CNTN4: variants seen among roughly 807,000 people sequenced by gnomAD.
The protein encoded by CNTN4 is contactin-4.
CNTN4 carries 77 observed loss-of-function variants against 122.5 expected under a neutral mutation model. That is an observed-to-expected ratio of 0.63 (90% CI 0.52 to 0.76). The LOEUF is 0.76. Ranked by LOEUF, CNTN4 falls within the 30% of genes least tolerant of loss-of-function variation. The pLI is 0.00. For missense variants in CNTN4, 1,256 were observed against 1,259.1 expected, an observed-to-expected ratio of 1.00 and a Z score of 0.04; for synonymous variants, 512 against 447.0, an observed-to-expected ratio of 1.15 and a Z score of -1.83.
intron 3 of CNTN4, among the ~76,000 whole-genome samples, chr3:2,361,490 A>C (rs780814253): frequency 2.5e-4 from 38 of 152,176 alleles, no homozygotes; most frequent in Non-Finnish European, 4.3e-4. Context: ...GTCAAGTGTC[A>C]AGGTTGAGAA....
chr3:2,684,822 T>C (rs2085347890), intron 4 of CNTN4, among the ~76,000 whole-genome samples: 1 of 152,224 alleles, frequency 6.6e-6, no homozygotes, highest in African/African-American at 2.4e-5. Context: ...TGTATGAACA[T>C]CTCATTGTAC....
intron 7 of CNTN4, among the ~76,000 whole-genome samples, chr3:2,864,260 C>G (rs1023448024): frequency 3.9e-5 from 6 of 152,080 alleles, no homozygotes; most frequent in African/African-American, 1.4e-4. Context: ...TAATATAACG[C>G]AGATTTGAAC....
At chr3:2,316,188 A>G (rs1323646051) in intron 2 of CNTN4, among the ~76,000 whole-genome samples, 1 of 152,106 alleles carries the variant, frequency 6.6e-6, no homozygotes, top group Non-Finnish European at 1.5e-5. Context: ...AATGGAAATA[A>G]CAGTAGAATA....
Position 2,637,836 on chromosome 3 carries a change from C to T in CNTN4, c.55+66278C>T, listed in dbSNP as rs139977179. Among the ~76,000 whole-genome samples the T allele has an allele frequency of 4.9e-3, 751 of 152,168 alleles. 5 individuals carry two copies. The highest frequency in any genetic ancestry group is 0.017 in the African/African-American group (718 of 41,520). On this transcript the variant is annotated intron_variant, in intron 4 of 24. Coordinates refer to ENST00000418658, the MANE Select transcript of CNTN4 (RefSeq NM_175607.3). Reference sequence around the variant, plus strand: ...ATGTATTTTCTACATTTCTAACTTCCGATTACAGACGCTTCCCTTGATTGA... The same window carrying T: ...ATGTATTTTCTACATTTCTAACTTCTGATTACAGACGCTTCCCTTGATTGA...
intron 6 of CNTN4, among the ~76,000 whole-genome samples, chr3:2,795,395 A>C (rs894859202): frequency 6.6e-6 from 1 of 151,862 alleles, no homozygotes; most frequent in Admixed American, 6.6e-5. Context: ...AGCTCCCAAT[A>C]CCCTTTTCTC....
chr3:2,181,206 C>G (rs2036998214), intron 2 of CNTN4, among the ~76,000 whole-genome samples: 1 of 151,954 alleles, frequency 6.6e-6, no homozygotes, highest in Non-Finnish European at 1.5e-5. Context: ...GAAAGTTACA[C>G]TCATGAATAA....
At chr3:2,598,920 A>G (rs2080897034) in intron 4 of CNTN4, among the ~76,000 whole-genome samples, 2 of 152,090 alleles carry the variant, frequency 1.3e-5, no homozygotes, top group South Asian at 4.1e-4. Context: ...GCATTTTCAA[A>G]TGGGAGAAGA....
intron 3 of CNTN4, among the ~76,000 whole-genome samples, chr3:2,389,041 A>G (rs566086734): frequency 2.0e-5 from 3 of 151,510 alleles, no homozygotes; most frequent in East Asian, 3.9e-4. Context: ...TGTGCCTGTA[A>G]TCCCAGCTAC....
intron 13 of CNTN4, among the ~76,000 whole-genome samples, chr3:2,970,053 T>C (rs567685543): frequency 6.6e-6 from 1 of 152,288 alleles, no homozygotes; most frequent in East Asian, 1.9e-4. Context: ...CCCAAAACCT[T>C]AACTATCAAT....
At chr3:2,792,831 T>G (rs1432386522) in intron 6 of CNTN4, among the ~76,000 whole-genome samples, 1 of 152,192 alleles carries the variant, frequency 6.6e-6, no homozygotes, top group African/African-American at 2.4e-5. Flanking sequence ...TCCCTCAAAT[T>G]TTATATAAGA....
At chr3:2,578,483 T>A (rs2079794627) in intron 4 of CNTN4, among the ~76,000 whole-genome samples, 1 of 152,168 alleles carries the variant, frequency 6.6e-6, no homozygotes, top group African/African-American at 2.4e-5. Context: ...CAAGGTATAA[T>A]ATTTCAATTC....
At chr3:2,353,793 G>T (rs972256740) in intron 3 of CNTN4, among the ~76,000 whole-genome samples, 36 of 152,298 alleles carry the variant, frequency 2.4e-4, no homozygotes, top group Admixed American at 1.0e-3. Flanking sequence ...CAGCTACTCG[G>T]GAGGCTGAGG....
intron 2 of CNTN4, among the ~76,000 whole-genome samples, chr3:2,128,233 A>G (rs1574894520): frequency 1.3e-5 from 2 of 152,204 alleles, no homozygotes; most frequent in African/African-American, 2.4e-5. Context: ...CCCTGAGCCA[A>G]TCAGTCACTG....
At chr3:2,132,907 C>T (rs1174101522) in intron 2 of CNTN4, among the ~76,000 whole-genome samples, 4 of 152,138 alleles carry the variant, frequency 2.6e-5, no homozygotes, top group Admixed American at 6.6e-5. Flanking sequence ...AGTCAAAGAA[C>T]AGTTGGTCAA....
intron 3 of CNTN4, among the ~76,000 whole-genome samples, chr3:2,356,988 T>C (rs1304998633): frequency 1.3e-5 from 2 of 152,230 alleles, no homozygotes; most frequent in Non-Finnish European, 2.9e-5. Flanking sequence ...ATAAGATTTA[T>C]GCAGATTAGA....
chr3:2,271,030 C>T (rs577267702), intron 2 of CNTN4, among the ~76,000 whole-genome samples: 3 of 152,084 alleles, frequency 2.0e-5, no homozygotes, highest in Non-Finnish European at 4.4e-5. Context: ...AACTTAGGGA[C>T]CTCTCTGCTT....
At chr3:2,364,037 C>T (rs774220380) in intron 3 of CNTN4, among the ~76,000 whole-genome samples, 28 of 152,008 alleles carry the variant, frequency 1.8e-4, no homozygotes, top group Non-Finnish European at 3.7e-4. Flanking sequence ...CATCTGAGAG[C>T]TAGAGCTTTG....
chr3:2,424,307 C>T (rs1017898723), intron 3 of CNTN4, among the ~76,000 whole-genome samples: 4 of 147,166 alleles, frequency 2.7e-5, no homozygotes, highest in African/African-American at 9.9e-5. Context: ...TGAGTGAGAA[C>T]ATGTGATGTT....
Position 3,034,626 on chromosome 3 carries a change from TC to T in CNTN4, c.1784-3del, listed in dbSNP as rs747786643. ...CTCCAATTCTGGGGGTCTTGCTCTT[TC>T]CCAGGTCCTCCAGGTCCCCCAGAGG... is the stretch of plus-strand genomic sequence containing the variant. On this transcript the variant is annotated splice_polypyrimidine_tract_variant and splice_region_variant and intron_variant, in intron 16 of 24. Coordinates refer to ENST00000418658, the MANE Select transcript of CNTN4 (RefSeq NM_175607.3). The T allele has an allele frequency of 1.1e-5, 17 of 1,614,086 alleles. No homozygotes were observed. In the South Asian group the frequency reaches 1.9e-4, roughly 18 times the overall value.
Sources: allele counts gnomAD v4.1 joint callset (sites outside exome capture counted in the v4.1 genomes callset), GRCh38; gene constraint gnomAD v4.1.1; transcripts MANE v1.5; gene names NCBI Gene and HGNC (gene_info 2026-07-23, HGNC 2026-07-21).